The following ITSN2 variants were observed in gnomAD, a reference collection of about 807,000 sequenced individuals.
The protein encoded by ITSN2 is intersectin 2.
A neutral mutation model predicts 243.7 loss-of-function variants in ITSN2; 156 were observed. That is an observed-to-expected ratio of 0.64 (90% CI 0.56 to 0.73). ITSN2 has a LOEUF of 0.73. Ranked by LOEUF, ITSN2 falls within the 30% of genes least tolerant of loss-of-function variation. The pLI, the probability that ITSN2 is intolerant of heterozygous loss-of-function variation, is 0.00. For missense variants in ITSN2, 1,801 were observed against 1,996.1 expected (o/e 0.90, Z 1.86); for synonymous variants, 703 against 699.9 (o/e 1.00, Z -0.07).
chr2:24,361,156 C>CGGAG (rs1688977206), upstream of ITSN2, among the ~76,000 whole-genome samples: 1 of 152,194 alleles, frequency 6.6e-6, no homozygotes, highest in Non-Finnish European at 1.5e-5. Flanking sequence ...ACCCTCTACG[C>CGGAG]TAGTCACACT....
rs1310285788 is a variant in ITSN2, at chr2:24,262,120, T to C, written c.2356-378A>G. Among the ~76,000 whole-genome samples, 3 of 152,198 alleles carry C rather than the reference T, an allele frequency of 2.0e-5. No homozygotes were observed. In the East Asian group the frequency reaches 5.8e-4, roughly 29 times the overall value. ...TGAATAACATATTTATACTGCTTTT[T>C]CTTGAATTTTTTCAATTTTAGACAT... On this transcript the variant is annotated intron_variant, in intron 20 of 39. Transcript: ENST00000355123.
intron 29 of ITSN2, among the ~76,000 whole-genome samples, chr2:24,231,888 G>A (rs919815800): frequency 1.3e-5 from 2 of 152,198 alleles, no homozygotes; most frequent in East Asian, 1.9e-4. Flanking sequence ...ATGGTTTCCA[G>A]TTATACTGTA....
intron 23 of ITSN2, among the ~76,000 whole-genome samples, chr2:24,255,300 T>C (rs941242761): frequency 1.2e-4 from 18 of 152,208 alleles, no homozygotes; most frequent in Non-Finnish European, 2.2e-4. Flanking sequence ...ATGCCAGCTA[T>C]ATATGGTTGT....
chr2:24,326,083 A>G (rs1685132289), intron 2 of ITSN2, among the ~76,000 whole-genome samples: 1 of 152,236 alleles, frequency 6.6e-6, no homozygotes, highest in Non-Finnish European at 1.5e-5. Context: ...TGCTCTCAGT[A>G]ACATCTTAAA....
intron 17 of ITSN2, among the ~76,000 whole-genome samples, chr2:24,276,728 C>G (rs1678057963): frequency 6.6e-6 from 1 of 152,196 alleles, no homozygotes; most frequent in Non-Finnish European, 1.5e-5. Flanking sequence ...TTACTCCTGA[C>G]CTAAACAATC....
intron 29 of ITSN2, among the ~76,000 whole-genome samples, chr2:24,235,649 G>A (rs2551177): frequency 0.98 from 148,966 of 152,326 alleles, 72,837 homozygotes; most frequent in East Asian, 0.99. Flanking sequence ...TCTAAAAAAT[G>A]AAGTCTTTTA....
At position 24,204,074 on chromosome 2, in the gene ITSN2, C is replaced by T. The variant is rs922602099; in HGVS notation, c.4936+171G>A. 4 of 677,488 alleles carry T rather than the reference C, an allele frequency of 5.9e-6. No individual in the cohort carries two copies. The highest frequency in any genetic ancestry group is 2.7e-5 in the East Asian group (1 of 36,988). 42.0% of individuals were successfully genotyped at this position (677,488 alleles called of 1,614,324 possible). On this transcript the variant is annotated intron_variant, in intron 39 of 39. Transcript: ENST00000355123. This position sits in a 1 kb window ranked among gnomAD's most constrained non-coding sequence, Gnocchi z 5.1. Reference sequence around the variant, plus strand: ...AAGACCTGAAACACATCTCAGGCCACCTCCTCCCCTGAGGAAGGCCACCCA... The same window carrying T: ...AAGACCTGAAACACATCTCAGGCCATCTCCTCCCCTGAGGAAGGCCACCCA...
chr2:24,350,812 G>A (rs1314818821), intron 1 of ITSN2, among the ~76,000 whole-genome samples: 1 of 152,136 alleles, frequency 6.6e-6, no homozygotes, highest in Non-Finnish European at 1.5e-5. Flanking sequence ...CATAGACACA[G>A]AAAGTAGACT....
chr2:24,213,323 T>G (rs1669673728), intron 32 of ITSN2, among the ~76,000 whole-genome samples: 1 of 152,270 alleles, frequency 6.6e-6, no homozygotes, highest in African/African-American at 2.4e-5. Context: ...CACACCCGAT[T>G]TGTGAACGCC....
intron 14 of ITSN2, among the ~76,000 whole-genome samples, chr2:24,295,266 G>A (rs889657411): frequency 1.3e-5 from 2 of 152,074 alleles, no homozygotes; most frequent in African/African-American, 4.8e-5. Context: ...AAAGACTCAA[G>A]GTTATTGACC....
chr2:24,317,868 G>A (rs1684107591), intron 2 of ITSN2, among the ~76,000 whole-genome samples: 1 of 152,136 alleles, frequency 6.6e-6, no homozygotes, highest in South Asian at 2.1e-4. Context: ...TTTGACTCCT[G>A]GCAGACTGAC....
chr2:24,219,417 G>A (rs1245597909), intron 30 of ITSN2, among the ~76,000 whole-genome samples: 1 of 152,226 alleles, frequency 6.6e-6, no homozygotes, highest in South Asian at 2.1e-4. Flanking sequence ...GGCCACTCCT[G>A]TGAGAGCAGC....
chr2:24,214,427 TAA>T (rs1261687733), intron 32 of ITSN2: 1 of 151,832 alleles, frequency 6.6e-6, no homozygotes, highest in African/African-American at 2.4e-5. Context: ...CTTTTTGGGG[TAA>T]GTTTCTCAAT....
At chr2:24,349,437 C>T (rs1687840320) in intron 1 of ITSN2, among the ~76,000 whole-genome samples, 1 of 152,054 alleles carries the variant, frequency 6.6e-6, no homozygotes, top group Non-Finnish European at 1.5e-5. Flanking sequence ...GTTGTTCTCC[C>T]TGGAAAAACA....
chr2:24,278,640 T>C (rs1678339760), intron 17 of ITSN2, among the ~76,000 whole-genome samples: 1 of 146,416 alleles, frequency 6.8e-6, no homozygotes, highest in African/African-American at 2.5e-5. Flanking sequence ...AGAGTTGTTC[T>C]CAATCTTTTT....
chr2:24,205,375 T>A, intron 37 of ITSN2, 78 bp from the exon 38 acceptor site: 2 of 1,209,794 alleles, frequency 1.7e-6, no homozygotes, highest in Non-Finnish European at 2.4e-6. Context: ...ACCATAACAC[T>A]ACCGGCTCCC....
chr2:24,271,920 T>C lies in ITSN2; in HGVS notation c.2103A>G (p.Glu701=). The change falls in exon 19 of 40, where the codon GAA becomes GAG. Residue 701 remains glutamate (E), a synonymous_variant. Coordinates refer to ENST00000355123, the MANE Select transcript of ITSN2 (RefSeq NM_006277.3). ...EAARKAKQGK[E]NLWKENLRKE... is the part of the protein sequence containing the mutation. ...TTCTAAGATTTTCTTTCCATAAGTT[T>C]TCTTTTCCTTGCTTTGCTTTCCTTT... 5 of 1,576,306 alleles carry C rather than the reference T, an allele frequency of 3.2e-6. No homozygotes were observed. The highest frequency in any genetic ancestry group is 4.3e-6 in the Non-Finnish European group (5 of 1,163,170).
At chr2:24,335,923 C>T (rs937596468) in intron 1 of ITSN2, among the ~76,000 whole-genome samples, 1 of 151,912 alleles carries the variant, frequency 6.6e-6, no homozygotes, top group Non-Finnish European at 1.5e-5. Flanking sequence ...TGAGCAACCA[C>T]GCCCAGCCCA....
intron 1 of ITSN2, among the ~76,000 whole-genome samples, chr2:24,343,401 TCA>T (rs1687228791): frequency 6.6e-6 from 1 of 152,190 alleles, no homozygotes; most frequent in Non-Finnish European, 1.5e-5. Flanking sequence ...TACCAATTTT[TCA>T]CAGTGAATAA....
Sources: allele counts gnomAD v4.1 joint callset (sites outside exome capture counted in the v4.1 genomes callset), GRCh38; gene constraint gnomAD v4.1.1; non-coding constraint Gnocchi (gnomAD v3.1); transcripts MANE v1.5; gene names NCBI Gene and HGNC (gene_info 2026-07-23, HGNC 2026-07-21).